ANKRD26: variants seen among roughly 807,000 people sequenced by gnomAD.
The protein encoded by ANKRD26 is ankyrin repeat domain-containing protein 26.
In ANKRD26, 141 loss-of-function variants were observed where a neutral mutation model predicts 208.7. The ratio of observed to expected loss-of-function variants is 0.68; its 90% CI spans 0.59 to 0.78. ANKRD26 has a LOEUF of 0.78. ANKRD26 is among the 30% of genes least tolerant of loss of function. ANKRD26 has a pLI of 0.00. For synonymous variants in ANKRD26, 636 were observed against 660.4 expected (o/e 0.96, Z 0.57); for missense variants, 1,889 against 1,938.7 (o/e 0.97, Z 0.48).
At chr10:27,046,551 T>A (rs2054453349) in intron 17 of ANKRD26, 28 bp from the exon 18 acceptor site, 1 of 1,606,252 alleles carries the variant, frequency 6.2e-7, no homozygotes, top group African/African-American at 1.3e-5. Flanking sequence ...GAAATGACAG[T>A]TACATAAGAA....
chr10:27,044,567 G>A (rs746037175), intron 18 of ANKRD26, among the ~76,000 whole-genome samples: 2 of 150,868 alleles, frequency 1.3e-5, no homozygotes, highest in Non-Finnish European at 3.0e-5. Flanking sequence ...AAGCTTTTAC[G>A]GGCACTAAAA....
At chr10:27,098,131 ATTTTTT>A (rs980156747) in intron 1 of ANKRD26, among the ~76,000 whole-genome samples, 1 of 151,906 alleles carries the variant, frequency 6.6e-6, no homozygotes, top group African/African-American at 2.4e-5. Context: ...TTTTATTTTT[ATTTTTT>A]ATCTTCTTAA....
chr10:26,960,608 G>A, the ANKRD26 span, among the ~76,000 whole-genome samples: 2 of 152,134 alleles, frequency 1.3e-5, no homozygotes, highest in East Asian at 3.8e-4. Flanking sequence ...CTAGACTTGC[G>A]GCTGTTCATT....
rs780960581 is a variant in ANKRD26, at chr10:27,022,656, T to A, written c.4117A>T (p.Lys1373Ter). The A allele has an allele frequency of 1.9e-6, 3 of 1,586,948 alleles. No individual in the cohort carries two copies. The highest frequency in any genetic ancestry group is 2.6e-6 in the Non-Finnish European group (3 of 1,160,440). ...TCTCCATTTTCATATTCATTTAACT[T>A]CTTTCTTGTCATTTTTAAGAGGTTC... ...FKNLLKMTRKKLNEYENGEFS... is the reference protein window; with the variant it reads ...FKNLLKMTRK Residue 1373 changes from lysine to a stop codon, truncating the protein, a stop_gained, in exon 29 of 34, where the codon AAG becomes TAG. Transcript: ENST00000376087. LOFTEE classifies it high-confidence loss of function.
At chr10:26,997,878 C>T (rs538068789) in intron 4 of ANKRD26, among the ~76,000 whole-genome samples, 17 of 152,324 alleles carry the variant, frequency 1.1e-4, no homozygotes, top group African/African-American at 3.6e-4. Flanking sequence ...ATAGCATGGG[C>T]TCCCAGAGCT....
At chr10:27,016,923 C>T (rs1032744340) in intron 30 of ANKRD26, among the ~76,000 whole-genome samples, 29 of 152,018 alleles carry the variant, frequency 1.9e-4, no homozygotes, top group African/African-American at 6.3e-4. Context: ...TTTGGTGGCT[C>T]ATGCCTGTAA....
chr10:26,996,075 G>A (rs1190963949), intron 4 of ANKRD26, among the ~76,000 whole-genome samples: 1 of 152,138 alleles, frequency 6.6e-6, no homozygotes, highest in Non-Finnish European at 1.5e-5. Context: ...ATACTGACTG[G>A]GAGTGGGTAC....
downstream of ANKRD26, among the ~76,000 whole-genome samples, chr10:27,001,767 C>T (rs1189685245): frequency 1.3e-5 from 2 of 152,144 alleles, no homozygotes; most frequent in African/African-American, 2.4e-5. Flanking sequence ...GCACAATTTC[C>T]GGCATTCACC....
chr10:27,036,858 C>T (rs1260008961), intron 23 of ANKRD26, among the ~76,000 whole-genome samples: 1 of 152,056 alleles, frequency 6.6e-6, no homozygotes, highest in Non-Finnish European at 1.5e-5. Context: ...AAATCACTTC[C>T]AAAATCTCAA....
At chr10:27,049,227 C>T (rs548663142) in intron 16 of ANKRD26, among the ~76,000 whole-genome samples, 5 of 152,100 alleles carry the variant, frequency 3.3e-5, no homozygotes, top group African/African-American at 1.2e-4. Flanking sequence ...ACAGAATTTT[C>T]CAAAATTTCA....
intron 9 of ANKRD26, among the ~76,000 whole-genome samples, chr10:27,073,774 AATGAG>A (rs1352065705): frequency 2.6e-5 from 4 of 152,226 alleles, no homozygotes; most frequent in Admixed American, 2.6e-4. Context: ...AACACTGGAG[AATGAG>A]ATAAGATTCG....
chr10:26,954,428 A>T, the ANKRD26 span, among the ~76,000 whole-genome samples: 1 of 152,260 alleles, frequency 6.6e-6, no homozygotes, highest in East Asian at 1.9e-4. Flanking sequence ...TTTTTAAGAC[A>T]GTAATATTTT....
intron 9 of ANKRD26, among the ~76,000 whole-genome samples, chr10:27,074,961 G>A (rs192989754): frequency 9.0e-4 from 137 of 152,098 alleles, no homozygotes; most frequent in African/African-American, 3.2e-3. Context: ...AAAATCATCA[G>A]CCAAGAATTC....
chr10:27,029,593 G>A (rs1414347233), intron 25 of ANKRD26, among the ~76,000 whole-genome samples: 1 of 152,092 alleles, frequency 6.6e-6, no homozygotes, highest in African/African-American at 2.4e-5. Flanking sequence ...TTATCAACCT[G>A]CGTTCTAGAA....
chr10:27,037,576 T>C (rs2054085845), intron 22 of ANKRD26, among the ~76,000 whole-genome samples: 1 of 152,144 alleles, frequency 6.6e-6, no homozygotes, highest in South Asian at 2.1e-4. Flanking sequence ...ATTTTACTAG[T>C]TTCATCATAA....
intron 20 of ANKRD26, among the ~76,000 whole-genome samples, chr10:27,042,445 C>T (rs1188495133): frequency 6.6e-6 from 1 of 151,656 alleles, no homozygotes; most frequent in African/African-American, 2.4e-5. Flanking sequence ...GATGAAACCC[C>T]GCCTCTATTA....
chr10:27,018,237 C>T (rs1478963999), intron 29 of ANKRD26, among the ~76,000 whole-genome samples: 2 of 150,746 alleles, frequency 1.3e-5, no homozygotes, highest in Non-Finnish European at 2.9e-5. Context: ...CGGGTTCATG[C>T]CATTCTCCTG....
At chr10:27,002,400 T>G (rs1178224554), downstream of ANKRD26, among the ~76,000 whole-genome samples, 1 of 152,222 alleles carries the variant, frequency 6.6e-6, no homozygotes, top group Non-Finnish European at 1.5e-5. Context: ...TCCCCTTGTC[T>G]GCGTGGGTTT....
intron 3 of ANKRD26, among the ~76,000 whole-genome samples, chr10:26,984,506 G>A (rs1327129789): frequency 6.6e-6 from 1 of 152,112 alleles, no homozygotes; most frequent in East Asian, 1.9e-4. Context: ...GGGGATTAAG[G>A]GAGTCCTTTA....
Sources: gnomAD v4.1 joint callset for allele counts (sites outside exome capture counted in the v4.1 genomes callset) on GRCh38, gnomAD v4.1.1 for gene constraint, MANE v1.5 for transcripts, NCBI Gene and HGNC (gene_info 2026-07-23, HGNC 2026-07-21) for gene names.